PCSK2: variants seen among roughly 807,000 people sequenced by gnomAD.
The protein encoded by PCSK2 is proprotein convertase subtilisin/kexin type 2.
A neutral mutation model predicts 69.7 loss-of-function variants in PCSK2; 14 were observed. The observed-to-expected ratio is 0.20, with a 90% confidence interval of 0.13 to 0.31. PCSK2 has a LOEUF of 0.31. PCSK2 is among the 10% of genes least tolerant of loss of function. The probability of loss-of-function intolerance (pLI) is 1.00; values close to 1 mark genes in which losing one functional copy is unlikely to be tolerated. For synonymous variants in PCSK2, 307 were observed against 320.7 expected (o/e 0.96, Z 0.46); for missense variants, 544 against 842.5 (o/e 0.65, Z 4.39).
rs922498468 is a variant in PCSK2, at chr20:17,227,222, ATTCT to A, written c.-81_-78del. 46 of 917,368 alleles carry A rather than the reference ATTCT, an allele frequency of 5.0e-5. No homozygotes were observed. Among genetic ancestry groups the A allele is most frequent in the Middle Eastern group, 3.4e-4 (1 of 2,904 alleles). 56.8% of individuals were successfully genotyped at this position (917,368 alleles called of 1,614,324 possible). A position where few individuals can be genotyped will look rare whatever the true frequency, so the allele number is the denominator to read the frequency against. On this transcript the variant is annotated 5_prime_UTR_variant, in exon 1 of 12. Transcript: ENST00000262545. Reference sequence around the variant, plus strand: ...ATTTTTTTAAAAACTATATATAAGAATTCTTTATTTGCACCCTCCCTCCGAGTCC... The same window carrying A: ...ATTTTTTTAAAAACTATATATAAGAATTATTTGCACCCTCCCTCCGAGTCC...
intron 2 of PCSK2, among the ~76,000 whole-genome samples, chr20:17,260,574 C>T (rs1229913706): frequency 6.6e-6 from 1 of 152,140 alleles, no homozygotes; most frequent in East Asian, 1.9e-4. Context: ...AATTGGGATA[C>T]CACCCTTTTA....
At chr20:17,262,286 T>A (rs1444546042) in intron 2 of PCSK2, among the ~76,000 whole-genome samples, 1 of 152,170 alleles carries the variant, frequency 6.6e-6, no homozygotes, top group Non-Finnish European at 1.5e-5. Flanking sequence ...ATCTGGTAGT[T>A]GTAACCATCT....
chr20:17,306,311 A>AAATTATG (rs1257664610), intron 2 of PCSK2, among the ~76,000 whole-genome samples: 1 of 152,126 alleles, frequency 6.6e-6, no homozygotes, highest in Admixed American at 6.6e-5. Context: ...CCAAACAATT[A>AAATTATG]AATTATGCCC....
In PCSK2 at chr20:17,433,813, C is replaced by CTCTCTCTCTCT. The variant is rs59651477; in HGVS notation, c.710-2895_710-2894insTCTCTCTCTCT. On this transcript the variant is annotated intron_variant, in intron 7 of 11. Coordinates refer to ENST00000262545, the MANE Select transcript of PCSK2 (RefSeq NM_002594.5). Reference sequence around the variant, plus strand: ...TCTCTCTCTCTCTCTCTCTCTCTCTCCCCCCACTTCCTTCCCTCCTCCTCC... The same window carrying CTCTCTCTCTCT: ...TCTCTCTCTCTCTCTCTCTCTCTCTCTCTCTCTCTCTCCCCCACTTCCTTCCCTCCTCCTCC... Among the ~76,000 whole-genome samples, 84 of 98,712 alleles carry CTCTCTCTCTCT rather than the reference C, an allele frequency of 8.5e-4. 6 individuals are homozygous for CTCTCTCTCTCT. The highest frequency in any genetic ancestry group is 2.0e-3 in the East Asian group (5 of 2,446). The allele number at this position is 98,712 out of a possible 152,430, so 64.8% of individuals were successfully genotyped here.
chr20:17,255,482 C>T (rs985476324), intron 1 of PCSK2, among the ~76,000 whole-genome samples: 1 of 152,046 alleles, frequency 6.6e-6, no homozygotes, highest in African/African-American at 2.4e-5. Flanking sequence ...GCTGGGACTA[C>T]AGGAGCCTGC....
At chr20:17,244,113 A>T (rs911416318) in intron 1 of PCSK2, among the ~76,000 whole-genome samples, 2 of 152,236 alleles carry the variant, frequency 1.3e-5, no homozygotes, top group Admixed American at 1.3e-4. Context: ...TCTACAACTT[A>T]TTCTCAAATG....
chr20:17,422,068 CAT>C (rs2032143437), intron 6 of PCSK2, among the ~76,000 whole-genome samples: 1 of 152,060 alleles, frequency 6.6e-6, no homozygotes, highest in African/African-American at 2.4e-5. Flanking sequence ...ATGGTGGAAA[CAT>C]AGGCAAAAAC....
At chr20:17,463,235 G>T (rs1254302410) in intron 10 of PCSK2, among the ~76,000 whole-genome samples, 3 of 152,130 alleles carry the variant, frequency 2.0e-5, no homozygotes. Context: ...CCATTTTCAT[G>T]GCAAAGATGA....
intron 2 of PCSK2, among the ~76,000 whole-genome samples, chr20:17,334,515 T>C (rs1383126811): frequency 6.6e-6 from 1 of 152,138 alleles, no homozygotes; most frequent in African/African-American, 2.4e-5. Context: ...TCAGAGCGGA[T>C]TCTTACGGGG....
At chr20:17,266,865 G>C (rs1312865761) in intron 2 of PCSK2, among the ~76,000 whole-genome samples, 1 of 152,106 alleles carries the variant, frequency 6.6e-6, no homozygotes, top group Non-Finnish European at 1.5e-5. Context: ...ATCACGTCCT[G>C]CTACCAAAGG....
intron 8 of PCSK2, among the ~76,000 whole-genome samples, chr20:17,452,388 C>T (rs868525938): frequency 6.6e-6 from 1 of 152,174 alleles, no homozygotes; most frequent in African/African-American, 2.4e-5. Context: ...GTTCACTTGT[C>T]GATTCAATCA....
intron 6 of PCSK2, among the ~76,000 whole-genome samples, chr20:17,411,401 C>G (rs909262817): frequency 1.3e-5 from 2 of 152,222 alleles, no homozygotes; most frequent in Admixed American, 6.5e-5. Flanking sequence ...TTGGCAGGTC[C>G]CACGCCCATG....
chr20:17,255,302 T>C (rs767307972), intron 1 of PCSK2, among the ~76,000 whole-genome samples: 19 of 152,298 alleles, frequency 1.2e-4, no homozygotes, highest in Middle Eastern at 3.4e-3. Flanking sequence ...GAGTTTTTCA[T>C]AGATAGATTT....
intron 2 of PCSK2, among the ~76,000 whole-genome samples, chr20:17,344,009 A>G (rs990352016): frequency 6.6e-6 from 1 of 152,226 alleles, no homozygotes; most frequent in Non-Finnish European, 1.5e-5. Context: ...AAAACTGCCC[A>G]CTGCAGGATG....
chr20:17,319,318 C>T (rs141543629), intron 2 of PCSK2, among the ~76,000 whole-genome samples: 2 of 152,248 alleles, frequency 1.3e-5, no homozygotes, highest in East Asian at 3.9e-4. Flanking sequence ...GGATGAGTTC[C>T]GCTAGGCGGA....
intron 1 of PCSK2, among the ~76,000 whole-genome samples, chr20:17,238,230 C>T (rs1341069933): frequency 1.3e-5 from 2 of 152,152 alleles, no homozygotes; most frequent in African/African-American, 2.4e-5. Context: ...AATAGTGTTA[C>T]AGTCACTTGA....
intron 2 of PCSK2, among the ~76,000 whole-genome samples, chr20:17,341,175 G>A (rs1056207641): frequency 1.3e-5 from 2 of 152,194 alleles, no homozygotes; most frequent in African/African-American, 2.4e-5. Flanking sequence ...AGGAGACAGA[G>A]GTTGCAGTGA....
intron 5 of PCSK2, among the ~76,000 whole-genome samples, chr20:17,373,726 A>G (rs907555243): frequency 2.6e-5 from 4 of 152,222 alleles, no homozygotes; most frequent in African/African-American, 9.7e-5. Flanking sequence ...GTTATTCTGT[A>G]TATTAAGAGA....
intron 2 of PCSK2, among the ~76,000 whole-genome samples, chr20:17,300,921 G>A (rs1989059699): frequency 6.6e-6 from 1 of 152,138 alleles, no homozygotes; most frequent in African/African-American, 2.4e-5. Context: ...GTATTTAGGA[G>A]AGGCATAATT....
Sources: gnomAD v4.1 joint callset for allele counts (sites outside exome capture counted in the v4.1 genomes callset) on GRCh38, gnomAD v4.1.1 for gene constraint, MANE v1.5 for transcripts, NCBI Gene and HGNC (gene_info 2026-07-23, HGNC 2026-07-21) for gene names.